Variants in PHIP observed in about 807,000 individuals in gnomAD.
PHIP encodes PH-interacting protein.
A neutral mutation model predicts 236.8 loss-of-function variants in PHIP; 54 were observed. The observed-to-expected ratio is 0.23, with a 90% CI of 0.18 to 0.29. The LOEUF (loss-of-function observed/expected upper bound fraction) is 0.29, where lower values mean the gene tolerates loss of function less well. PHIP is among the 10% of genes least tolerant of loss of function. PHIP has a pLI of 1.00. For missense variants in PHIP, 1,370 were observed against 2,190.8 expected (o/e 0.63, Z 7.48); for synonymous variants, 756 against 718.9 (o/e 1.05, Z -0.83).
chr6:78,982,914 T>C lies in PHIP; in HGVS notation c.2741A>G (p.Lys914Arg). 2 of 1,570,214 alleles carry C rather than the reference T, an allele frequency of 1.3e-6. No homozygotes were observed. The highest frequency in any genetic ancestry group is 4.5e-5 in the East Asian group (2 of 44,554). Residue 914 changes from lysine (K) to arginine (R), a missense_variant, in exon 23 of 40, where the codon AAA becomes AGA. By Grantham distance (26) the Lys-to-Arg change is conservative. Coordinates refer to ENST00000275034, the MANE Select transcript of PHIP (RefSeq NM_017934.7). Reference protein sequence around the residue: ...EEKDGPISPKKKKPKERKQKR... With the variant: ...EEKDGPISPKRKKPKERKQKR... Reference sequence around the variant, plus strand: ...TTGTTTTCTTTCTTTGGGCTTCTTTTTCTTTGGTGATATTGGTCCATCTTT... The same window carrying C: ...TTGTTTTCTTTCTTTGGGCTTCTTTCTCTTTGGTGATATTGGTCCATCTTT...
intron 4 of PHIP, among the ~76,000 whole-genome samples, chr6:79,063,008 A>G (rs147397824): frequency 6.6e-6 from 1 of 152,334 alleles, no homozygotes; most frequent in Non-Finnish European, 1.5e-5. Flanking sequence ...AGTACTTACC[A>G]TATTAATTGT....
chr6:78,965,291 C>T (rs966431160), intron 29 of PHIP, among the ~76,000 whole-genome samples: 2 of 152,100 alleles, frequency 1.3e-5, no homozygotes, highest in Non-Finnish European at 2.9e-5. Flanking sequence ...CTTTATGGAA[C>T]TTGCCAAGAT....
chr6:79,056,312 A>G (rs1773069082), intron 6 of PHIP, among the ~76,000 whole-genome samples: 1 of 152,208 alleles, frequency 6.6e-6, no homozygotes, highest in Non-Finnish European at 1.5e-5. Flanking sequence ...TGAGGAGACA[A>G]AAGGATGAAA....
chr6:79,036,869 T>G (rs1771961597), intron 7 of PHIP, among the ~76,000 whole-genome samples: 1 of 137,842 alleles, frequency 7.3e-6, no homozygotes, highest in Non-Finnish European at 1.5e-5. Flanking sequence ...TGCAAGTGAG[T>G]TGAGATGGTG....
At chr6:78,941,456 T>A in intron 39 of PHIP, 126 bp from the exon 40 acceptor site, 1 of 579,424 alleles carries the variant, frequency 1.7e-6, no homozygotes. Context: ...TTTATTAAAA[T>A]GAGAAAAAAG....
At chr6:78,959,055 G>A (rs1178469787) in intron 31 of PHIP, among the ~76,000 whole-genome samples, 1 of 152,052 alleles carries the variant, frequency 6.6e-6, no homozygotes, top group Non-Finnish European at 1.5e-5. Flanking sequence ...GAAGTTAACT[G>A]ACAGCCACCT....
At chr6:79,071,370 T>C (rs1048531591) in intron 4 of PHIP, among the ~76,000 whole-genome samples, 7 of 152,228 alleles carry the variant, frequency 4.6e-5, no homozygotes, top group African/African-American at 1.7e-4. Context: ...CTCCTCTATA[T>C]TCCATAGGTC....
At chr6:79,021,978 G>A (rs1214159817) in intron 9 of PHIP, among the ~76,000 whole-genome samples, 4 of 152,158 alleles carry the variant, frequency 2.6e-5, no homozygotes, top group East Asian at 3.9e-4. Flanking sequence ...AAGATCTCAT[G>A]TACCCCATAA....
rs1332897778 is a variant in PHIP at position 78,935,549 on chromosome 6, C to G, written c.*5144G>C. ...AGTATCTGAATAGTGAAGTATTTAT[C>G]ACTCATCACAGTAACTTACGGTAAG... On this transcript the variant is annotated 3_prime_UTR_variant, in exon 40 of 40. Transcript: ENST00000275034. 2.1e-6 allele frequency: 2 copies of G among 961,418 alleles called. No homozygotes were observed. Among genetic ancestry groups the G allele is most frequent in the African/African-American group, 3.5e-5 (2 of 56,632 alleles). The allele number at this position is 961,418 out of a possible 1,614,324, so 59.6% of individuals were successfully genotyped here.
Position 78,940,175 on chromosome 6 carries a change from A to C in PHIP, c.*518T>G, listed in dbSNP as rs1773416294. On this transcript the variant is annotated 3_prime_UTR_variant, in exon 40 of 40. Coordinates refer to ENST00000275034, the MANE Select transcript of PHIP (RefSeq NM_017934.7). ...AACTGTTTAGGGTATCAAATGGTGGAAATTTTATATTTATCTTTTAGAGGA... is the reference window on the plus strand; with the variant it reads ...AACTGTTTAGGGTATCAAATGGTGGCAATTTTATATTTATCTTTTAGAGGA... 6.6e-6 allele frequency: 1 copy of C among 152,048 alleles called. No homozygotes were observed. The highest frequency in any genetic ancestry group is 2.4e-5 in the African/African-American group (1 of 41,420). The allele number at this position is 152,048 out of a possible 1,614,324, so 9.4% of individuals were successfully genotyped here.
In PHIP at chr6:79,001,906, A is replaced by G; in HGVS notation, c.1872T>C (p.Thr624=). Residue 624 remains threonine, a synonymous_variant, in exon 17 of 40, where the codon ACT becomes ACC. Transcript: ENST00000275034. The part of the protein sequence containing the change: ...EEQLIPQMGV[T]SSGLNQVLSQ... Reference sequence around the variant, plus strand: ...AAGAAAATGAGCACCTACCTGAGGAAGTTACTCCCATCTGAGGGATGAGTT... The same window carrying G: ...AAGAAAATGAGCACCTACCTGAGGAGGTTACTCCCATCTGAGGGATGAGTT... 1 of 1,603,130 alleles carries G rather than the reference A, an allele frequency of 6.2e-7. No individual in the cohort carries two copies. The highest frequency in any genetic ancestry group is 2.2e-5 in the East Asian group (1 of 44,812).
intron 6 of PHIP, among the ~76,000 whole-genome samples, chr6:79,053,552 G>T (rs1017111547): frequency 5.3e-5 from 8 of 152,072 alleles, no homozygotes; most frequent in African/African-American, 1.9e-4. Flanking sequence ...TTATGGAGCT[G>T]AACAAATTAT....
At chr6:78,943,578 G>T (rs1462702443) in intron 39 of PHIP, among the ~76,000 whole-genome samples, 2 of 152,136 alleles carry the variant, frequency 1.3e-5, no homozygotes, top group East Asian at 3.8e-4. Flanking sequence ...CATTAAAAAT[G>T]AGTAAACACA....
At position 78,990,975 on chromosome 6, in the gene PHIP, C is replaced by G; in HGVS notation, c.2212G>C (p.Glu738Gln). 6.2e-7 allele frequency: 1 copy of G among 1,600,852 alleles called. No homozygotes were observed. The highest frequency in any genetic ancestry group is 8.5e-7 in the Non-Finnish European group (1 of 1,171,252). The change falls in exon 20 of 40, where the codon GAA (glutamate) becomes CAA (glutamine). Residue 738 changes from glutamate to glutamine, a missense_variant. Around this residue, in one of 14 missense-constraint regions of PHIP, gnomAD observed 133 missense variants for 245.2 expected, o/e 0.54. Transcript: ENST00000275034. ...TCTTCTCCCTTTGCAGTTCTCCATT[C>G]TTCTTGCCTACTGAAAGACAAAAGC... is the stretch of plus-strand genomic sequence containing the variant. The part of the protein sequence containing the change: ...LSAGVASRQE[E>Q]WRTAKGEEEI...
At chr6:78,951,635 C>G (rs1363593367) in intron 35 of PHIP, among the ~76,000 whole-genome samples, 2 of 152,166 alleles carry the variant, frequency 1.3e-5, no homozygotes, top group African/African-American at 4.8e-5. Context: ...CTTATTTCTA[C>G]TACTTTTTGT....
intron 14 of PHIP, among the ~76,000 whole-genome samples, 197 bp downstream of exon 14, chr6:79,015,433 C>A (rs925540248): frequency 6.6e-6 from 1 of 151,590 alleles, no homozygotes; most frequent in Non-Finnish European, 1.5e-5. Context: ...ATTAAAAAAA[C>A]AGCAAATATC....
Position 79,043,003 on chromosome 6 carries a change from G to C in PHIP, c.440C>G (p.Ala147Gly), listed in dbSNP as rs185895794. The C allele has an allele frequency of 6.3e-7, 1 of 1,599,598 alleles. No homozygotes were observed. Among genetic ancestry groups the C allele is most frequent in the African/African-American group, 1.3e-5 (1 of 74,138 alleles). Reference protein sequence around the residue: ...PVNYGSPPSIADTLFSRKLNG... With the variant: ...PVNYGSPPSIGDTLFSRKLNG... ...CAGCTTCCTTGAAAACAGAGTATCC[G>C]CTACCAAGAAAAAGAAGGAAAATAA... The change falls in exon 7 of 40, where the codon GCG becomes GGG. Residue 147 changes from alanine (A) to glycine (G), a missense_variant and splice_region_variant. Around this residue, in one of 14 missense-constraint regions of PHIP, gnomAD observed 82 missense variants for 203.2 expected, o/e 0.40. Transcript: ENST00000275034.
chr6:78,964,899 A>T (rs1179909420), intron 29 of PHIP, among the ~76,000 whole-genome samples: 1 of 152,208 alleles, frequency 6.6e-6, no homozygotes, highest in Non-Finnish European at 1.5e-5. Context: ...TCTCGACAAT[A>T]TCCTTCTAAT....
rs534665384 is a variant in PHIP at position 79,056,978 on chromosome 6, A to G, written c.439+3500T>C. On this transcript the variant is annotated intron_variant, in intron 6 of 39. Coordinates refer to ENST00000275034, the MANE Select transcript of PHIP (RefSeq NM_017934.7). Reference sequence around the variant, plus strand: ...AATGATAATGGAGAACAAATTCAAGAAAGTAGAATAAACAGGTATTATTTA... The same window carrying G: ...AATGATAATGGAGAACAAATTCAAGGAAGTAGAATAAACAGGTATTATTTA... Among the ~76,000 whole-genome samples, 5 of 152,216 alleles carry G rather than the reference A, an allele frequency of 3.3e-5. No individual in the cohort carries two copies. In the East Asian group the frequency reaches 5.8e-4, roughly 18 times the overall value.
Sources: allele counts gnomAD v4.1 joint callset (sites outside exome capture counted in the v4.1 genomes callset), GRCh38; gene constraint gnomAD v4.1.1; regional missense constraint gnomAD v4.1.1; transcripts MANE v1.5; gene names NCBI Gene and HGNC (gene_info 2026-07-23, HGNC 2026-07-21).